GARNL3: variants seen among roughly 807,000 people sequenced by gnomAD.
The protein encoded by GARNL3 is GTPase-activating Rap/Ran-GAP domain-like protein 3.
Under a neutral mutation model 125.0 loss-of-function variants are expected in GARNL3, and 63 were observed. That is an observed-to-expected ratio of 0.50 (90% CI 0.41 to 0.62). The LOEUF is 0.62. GARNL3 is among the 20% of genes least tolerant of loss of function. GARNL3 has a pLI of 0.00. For synonymous variants in GARNL3, 439 were observed against 457.5 expected (o/e 0.96, Z 0.52); for missense variants, 994 against 1,244.0 (o/e 0.80, Z 3.02).
chr9:127,311,721 A>AT lies in GARNL3; in HGVS notation c.311dup (p.Leu104PhefsTer26). On this transcript the variant is annotated frameshift_variant, in exon 3 of 28. Transcript: ENST00000373387. LOFTEE classifies it high-confidence loss of function. ...TACCACACCAGATGGTATTTCAAAT[A>AT]TTTTTTAGGACAAGGTAATTATGCT... is the stretch of plus-strand genomic sequence containing the variant. 1 of 1,608,720 alleles carries AT rather than the reference A, an allele frequency of 6.2e-7. No individual in the cohort carries two copies. The highest frequency in any genetic ancestry group is 8.5e-7 in the Non-Finnish European group (1 of 1,175,090).
chr9:127,238,902 C>G lies in GARNL3; in HGVS notation c.-28-4177C>G, dbSNP rs79509928. Reference sequence around the variant, plus strand: ...GTACCCACTAATAATGTGGGTGGAACCACCTAGACTCCCTCCCGCTCTATC... The same window carrying G: ...GTACCCACTAATAATGTGGGTGGAAGCACCTAGACTCCCTCCCGCTCTATC... On this transcript the variant is annotated intron_variant, in intron 1 of 10. Transcript: ENST00000439286. Among the ~76,000 whole-genome samples the G allele has an allele frequency of 5.7e-3, 861 of 152,282 alleles. 23 individuals are homozygous for G. The East Asian group carries it at 0.087, about 15-fold the overall frequency.
chr9:127,239,434 C>T (rs1365995417), intron 1 of GARNL3, among the ~76,000 whole-genome samples: 1 of 152,184 alleles, frequency 6.6e-6, no homozygotes, highest in Non-Finnish European at 1.5e-5. Flanking sequence ...CCTCACATTA[C>T]GGGAGATGTA....
intron 16 of GARNL3, among the ~76,000 whole-genome samples, chr9:127,346,928 G>T (rs1257766414): frequency 6.6e-6 from 1 of 152,158 alleles, no homozygotes; most frequent in Non-Finnish European, 1.5e-5. Flanking sequence ...TTCTCACCTG[G>T]TGGAATCCAC....
intron 21 of GARNL3, among the ~76,000 whole-genome samples, chr9:127,357,650 T>C (rs1302449118): frequency 6.6e-6 from 1 of 152,036 alleles, no homozygotes; most frequent in East Asian, 1.9e-4. Flanking sequence ...AAAAGAGATA[T>C]GAAAAGGCCG....
intron 22 of GARNL3, among the ~76,000 whole-genome samples, chr9:127,374,599 C>T (rs892013406): frequency 6.6e-6 from 1 of 151,996 alleles, no homozygotes; most frequent in African/African-American, 2.4e-5. Context: ...TTGCAAATCA[C>T]CTATCTCATA....
intron 22 of GARNL3, among the ~76,000 whole-genome samples, chr9:127,381,068 A>G (rs1832228590): frequency 6.6e-6 from 1 of 152,114 alleles, no homozygotes; most frequent in Admixed American, 6.5e-5. Context: ...TGGTAGAGAT[A>G]GAGTTTCACC....
chr9:127,367,992 A>C (rs1457226140), intron 22 of GARNL3, among the ~76,000 whole-genome samples: 1 of 148,036 alleles, frequency 6.8e-6, no homozygotes, highest in African/African-American at 2.5e-5. Context: ...TCAGTTTTTT[A>C]ACCTTCATAG....
chr9:127,390,858 C>T (rs1448809330), intron 27 of GARNL3, 91 bp downstream of exon 27: 10 of 1,321,328 alleles, frequency 7.6e-6, no homozygotes, highest in Non-Finnish European at 1.0e-5. Flanking sequence ...GATAATGCCA[C>T]TAGTGGCCCC....
chr9:127,326,383 A>G (rs2065573073), intron 7 of GARNL3, among the ~76,000 whole-genome samples: 1 of 152,194 alleles, frequency 6.6e-6, no homozygotes, highest in Non-Finnish European at 1.5e-5. Context: ...TTGGTTGAAC[A>G]AGTGATTGAT....
intron 2 of GARNL3, among the ~76,000 whole-genome samples, chr9:127,251,809 A>G (rs1235595382): frequency 2.0e-5 from 3 of 152,224 alleles, no homozygotes; most frequent in African/African-American, 7.2e-5. Flanking sequence ...GGCAGTTGAA[A>G]AAAAGCAGAC....
intron 4 of GARNL3, among the ~76,000 whole-genome samples, chr9:127,316,764 A>G (rs895116341): frequency 1.4e-4 from 21 of 152,126 alleles, no homozygotes; most frequent in Non-Finnish European, 3.1e-4. Context: ...GAGGGGTGAG[A>G]GTAGCAGGTC....
At chr9:127,299,696 A>G (rs2064723952) in intron 2 of GARNL3, among the ~76,000 whole-genome samples, 2 of 151,848 alleles carry the variant, frequency 1.3e-5, no homozygotes, top group Admixed American at 1.3e-4. Context: ...TCAGCCTCCC[A>G]AGTAGCTGGG....
chr9:127,345,879 A>G (rs1377001266), intron 16 of GARNL3, among the ~76,000 whole-genome samples: 3 of 152,240 alleles, frequency 2.0e-5, no homozygotes, highest in East Asian at 1.9e-4. Context: ...GACCACAGAC[A>G]TGCTTTAAAC....
intron 7 of GARNL3, among the ~76,000 whole-genome samples, chr9:127,325,928 T>C (rs2065557140): frequency 6.6e-6 from 1 of 152,286 alleles, no homozygotes; most frequent in Middle Eastern, 3.4e-3. Context: ...ACTCTAAAGG[T>C]TTCCTGTCCT....
chr9:127,367,118 T>G (rs1244101223), intron 22 of GARNL3: 1 of 152,176 alleles, frequency 6.6e-6, no homozygotes, highest in African/African-American at 2.4e-5. Context: ...CCATATTTCT[T>G]TTTCCCAAGA....
intron 2 of GARNL3, among the ~76,000 whole-genome samples, chr9:127,298,125 G>A (rs1333422899): frequency 6.6e-6 from 1 of 152,166 alleles, no homozygotes; most frequent in Non-Finnish European, 1.5e-5. Flanking sequence ...AATGTATCTG[G>A]GGTCTGCCCC....
At chr9:127,275,410 T>G (rs1303610399) in intron 1 of GARNL3, among the ~76,000 whole-genome samples, 1 of 152,230 alleles carries the variant, frequency 6.6e-6, no homozygotes, top group Non-Finnish European at 1.5e-5. Flanking sequence ...GGCAGGCAAC[T>G]TAGAACAAGT....
At chr9:127,371,905 G>C (rs553622396) in intron 22 of GARNL3, among the ~76,000 whole-genome samples, 1 of 152,178 alleles carries the variant, frequency 6.6e-6, no homozygotes, top group Non-Finnish European at 1.5e-5. Flanking sequence ...TTTAACAAAT[G>C]ATACCAGAAT....
Position 127,344,257 on chromosome 9 carries a change from T to C in GARNL3, c.1274T>C (p.Phe425Ser). ...LHKNMLNRRS[F>S]SDVLPESPKS... The stretch of plus-strand genomic sequence containing the variant: ...TAGAACATGCTTAATAGACGATCTT[T>C]TAGTGATGTCTTACCAGAGTCACCC... The change falls in exon 15 of 28, where the codon TTT (phenylalanine) becomes TCT (serine). Residue 425 changes from phenylalanine to serine, a missense_variant. Physicochemically the swap from Phe to Ser is radical, Grantham distance 155. This residue lies in a region of GARNL3 where 728 missense variants were observed against 865.7 expected (regional missense o/e 0.84). Transcript: ENST00000373387. The C allele has an allele frequency of 1.9e-6, 3 of 1,612,300 alleles. No homozygotes were observed. The highest frequency in any genetic ancestry group is 2.5e-6 in the Non-Finnish European group (3 of 1,179,234).
Sources: allele counts gnomAD v4.1 joint callset (sites outside exome capture counted in the v4.1 genomes callset), GRCh38; gene constraint gnomAD v4.1.1; regional missense constraint gnomAD v4.1.1; transcripts MANE v1.5; gene names NCBI Gene and HGNC (gene_info 2026-07-23, HGNC 2026-07-21).